Variants in RAB3GAP2 observed in about 807,000 individuals in gnomAD.
RAB3GAP2 encodes rab3 GTPase-activating protein non-catalytic subunit.
In RAB3GAP2, 87 loss-of-function variants were observed where a neutral mutation model predicts 185.3. That is an observed-to-expected ratio of 0.47 (90% CI 0.39 to 0.56). RAB3GAP2 has a LOEUF of 0.56. Ranked by LOEUF, RAB3GAP2 falls within the 20% of genes least tolerant of loss-of-function variation. The pLI is 0.00. For synonymous variants in RAB3GAP2, 554 were observed against 576.1 expected, an observed-to-expected ratio of 0.96 and a Z score of 0.55; for missense variants, 1,492 against 1,638.2, an observed-to-expected ratio of 0.91 and a Z score of 1.54.
chr1:220,164,861 T>C, intron 26 of RAB3GAP2, 62 bp from the exon 27 acceptor site: 1 of 1,474,914 alleles, frequency 6.8e-7, no homozygotes, highest in Non-Finnish European at 9.3e-7. Flanking sequence ...GGTTTTACCA[T>C]TATCAATGGA....
chr1:220,257,184 C>T (rs1203167329), intron 1 of RAB3GAP2, among the ~76,000 whole-genome samples: 2 of 152,120 alleles, frequency 1.3e-5, no homozygotes, highest in Non-Finnish European at 2.9e-5. Context: ...CAAGACCATC[C>T]TGGCTAACAT....
intron 1 of RAB3GAP2, chr1:220,254,439 T>C (rs1659996992): frequency 6.2e-7 from 1 of 1,613,202 alleles, no homozygotes. Flanking sequence ...TACTCAATTA[T>C]CTTCACGATT....
chr1:220,207,370 C>A (rs957194604), intron 7 of RAB3GAP2, among the ~76,000 whole-genome samples: 2 of 152,268 alleles, frequency 1.3e-5, no homozygotes, highest in African/African-American at 4.8e-5. Context: ...TTATCTTTGC[C>A]AATCCAAAAG....
Position 220,173,572 on chromosome 1 carries a change from G to A in RAB3GAP2, c.2311-830C>T, listed in dbSNP as rs539567097. 1.1e-3 allele frequency among the ~76,000 whole-genome samples: 168 copies of A among 152,330 alleles called. 1 individual carries two copies. The highest frequency in any genetic ancestry group is 3.8e-3 in the African/African-American group (160 of 41,574). On this transcript the variant is annotated intron_variant, in intron 21 of 34. Coordinates refer to ENST00000358951, the MANE Select transcript of RAB3GAP2 (RefSeq NM_012414.4). The stretch of plus-strand genomic sequence containing the variant: ...AGGAGAAGAAGCACATGAAAGAAGT[G>A]AATTTATGAGGACGACTTAGGGCCA...
chr1:220,218,731 A>G (rs879851761), intron 2 of RAB3GAP2, among the ~76,000 whole-genome samples: 3 of 144,168 alleles, frequency 2.1e-5, no homozygotes, highest in Non-Finnish European at 4.5e-5. Flanking sequence ...TAGAACTTAA[A>G]GTATAATTTA....
chr1:220,163,523 C>T (rs1421162193), intron 27 of RAB3GAP2, among the ~76,000 whole-genome samples: 1 of 151,150 alleles, frequency 6.6e-6, no homozygotes, highest in Non-Finnish European at 1.5e-5. Context: ...CCACCATGCC[C>T]GGCTAATTTT....
rs1346234104 is a variant in RAB3GAP2, at chr1:220,190,920, C to G, written c.1487+148G>C. 8 of 780,182 alleles carry G rather than the reference C, an allele frequency of 1.0e-5. 1 individual carries two copies. The allele number at this position is 780,182 out of a possible 1,614,324, so 48.3% of individuals were successfully genotyped here. On this transcript the variant is annotated intron_variant, in intron 14 of 34. Transcript: ENST00000358951. ...TTGTTATTAAATACTTAAGTACATG[C>G]CAGGCACTCACAGGAAAAACCACAA...
intron 2 of RAB3GAP2, among the ~76,000 whole-genome samples, chr1:220,217,558 A>G (rs555250490): frequency 1.3e-5 from 2 of 152,128 alleles, no homozygotes; most frequent in East Asian, 3.9e-4. Flanking sequence ...CTGTGACTGC[A>G]TTTCTCCCAC....
intron 21 of RAB3GAP2, among the ~76,000 whole-genome samples, chr1:220,180,111 G>A (rs1163661511): frequency 3.3e-5 from 5 of 152,118 alleles, no homozygotes; most frequent in East Asian, 1.9e-4. Flanking sequence ...GCAGTGAGCC[G>A]AGATCGCACC....
chr1:220,164,699 C>T (rs1303405863), intron 27 of RAB3GAP2, 34 bp downstream of exon 27: 1 of 1,585,500 alleles, frequency 6.3e-7, no homozygotes, highest in Non-Finnish European at 8.6e-7. Flanking sequence ...TCTTTTAGAT[C>T]AAACAGTGAT....
chr1:220,262,190 A>G (rs1455913024), intron 1 of RAB3GAP2, among the ~76,000 whole-genome samples: 1 of 151,406 alleles, frequency 6.6e-6, no homozygotes, highest in African/African-American at 2.4e-5. Context: ...AGTCCCAGCT[A>G]CTCGAGAGGC....
chr1:220,226,325 C>A (rs115371058), intron 2 of RAB3GAP2, among the ~76,000 whole-genome samples: 2 of 152,072 alleles, frequency 1.3e-5, no homozygotes, highest in African/African-American at 4.8e-5. Context: ...TCCCAAACTG[C>A]CTCAATTCCC....
At chr1:220,174,145 G>A (rs1658234367) in intron 21 of RAB3GAP2, among the ~76,000 whole-genome samples, 1 of 151,374 alleles carries the variant, frequency 6.6e-6, no homozygotes, top group African/African-American at 2.4e-5. Flanking sequence ...TTAATAACAT[G>A]CGTATTTTCT....
At chr1:220,215,269 A>G (rs1470796299) in intron 2 of RAB3GAP2, among the ~76,000 whole-genome samples, 3 of 152,092 alleles carry the variant, frequency 2.0e-5, no homozygotes. Flanking sequence ...TGTATTAGTA[A>G]ATTTGCTGAA....
chr1:220,246,297 A>G (rs1415356710), intron 1 of RAB3GAP2, among the ~76,000 whole-genome samples: 1 of 152,018 alleles, frequency 6.6e-6, no homozygotes, highest in African/African-American at 2.4e-5. Flanking sequence ...ATGTGGAGAA[A>G]TAGGACACTT....
At chr1:220,246,799 T>C (rs531979436) in intron 1 of RAB3GAP2, among the ~76,000 whole-genome samples, 3,420 of 135,134 alleles carry the variant, frequency 0.025, 70 homozygotes, top group Non-Finnish European at 0.036. Context: ...AGGGATAGCA[T>C]TGGGAGATAT....
chr1:220,265,092 T>TA (rs1660206478), intron 1 of RAB3GAP2, among the ~76,000 whole-genome samples: 1 of 152,148 alleles, frequency 6.6e-6, no homozygotes, highest in African/African-American at 2.4e-5. Flanking sequence ...TAACTCTATA[T>TA]ATTTTCTGAA....
intron 15 of RAB3GAP2, 47 bp from the exon 16 acceptor site, chr1:220,190,193 T>C: frequency 6.4e-7 from 1 of 1,553,682 alleles, no homozygotes; most frequent in Non-Finnish European, 8.9e-7. Flanking sequence ...GAAATTATTT[T>C]CTTTCTAATT....
rs1657659627 is a variant in RAB3GAP2, at chr1:220,148,316, T to TAATA, written c.*2931_*2934dup. On this transcript the variant is annotated 3_prime_UTR_variant, in exon 35 of 35. Coordinates refer to ENST00000358951, the MANE Select transcript of RAB3GAP2 (RefSeq NM_012414.4). ...CATGAAAGCTGAAAATTTATTTCAC[T>TAATA]AATATACATAAGAAGTTCACAACAA... 2 of 152,114 alleles carry TAATA rather than the reference T, an allele frequency of 1.3e-5. No homozygotes were observed. Among genetic ancestry groups the TAATA allele is most frequent in the Non-Finnish European group, 2.9e-5 (2 of 68,554 alleles). The allele number at this position is 152,114 out of a possible 1,614,324, so 9.4% of individuals were successfully genotyped here.
Sources: allele counts gnomAD v4.1 joint callset (sites outside exome capture counted in the v4.1 genomes callset), GRCh38; gene constraint gnomAD v4.1.1; transcripts MANE v1.5; gene names NCBI Gene and HGNC (gene_info 2026-07-23, HGNC 2026-07-21).